Variants in OPCML observed in about 807,000 individuals in gnomAD.
The protein encoded by OPCML is opioid-binding protein/cell adhesion molecule.
A neutral mutation model predicts 37.8 loss-of-function variants in OPCML; 13 were observed. The ratio of observed to expected loss-of-function variants is 0.34; its 90% CI spans 0.22 to 0.55. The LOEUF (loss-of-function observed/expected upper bound fraction) is 0.55, where lower values mean the gene tolerates loss of function less well. OPCML is among the 20% of genes least tolerant of loss of function. OPCML has a pLI of 0.91. For synonymous variants in OPCML, 176 were observed against 168.8 expected, an observed-to-expected ratio of 1.04 and a Z score of -0.33; for missense variants, 341 against 435.6, an observed-to-expected ratio of 0.78 and a Z score of 1.93.
rs1784508 is a variant in OPCML, at chr11:132,614,377, T to A, written c.379+42710A>T. 6.7e-3 allele frequency among the ~76,000 whole-genome samples: 1,013 copies of A among 152,156 alleles called. 33 individuals carry two copies. Among genetic ancestry groups the A allele is most frequent in the Admixed American group, 0.058 (893 of 15,292 alleles). ...GAATTCTGAGTGACCTCTAGCCAACTCTTCGTTTAATAACCTTTGAGACTG... is the reference window on the plus strand; with the variant it reads ...GAATTCTGAGTGACCTCTAGCCAACACTTCGTTTAATAACCTTTGAGACTG... On this transcript the variant is annotated intron_variant, in intron 3 of 7. Transcript: ENST00000524381.
At chr11:133,167,202 C>G (rs1168902397) in intron 1 of OPCML, among the ~76,000 whole-genome samples, 1 of 152,180 alleles carries the variant, frequency 6.6e-6, no homozygotes, top group Non-Finnish European at 1.5e-5. Flanking sequence ...CTCCAGCGTG[C>G]TTCCTCATCC....
At chr11:133,043,709 C>T (rs554246818) in intron 1 of OPCML, among the ~76,000 whole-genome samples, 63 of 152,094 alleles carry the variant, frequency 4.1e-4, no homozygotes, top group Non-Finnish European at 6.5e-4. Flanking sequence ...TGATTGCGTG[C>T]GGTTACTTTT....
chr11:133,278,232 T>G (rs1480774013), intron 1 of OPCML, among the ~76,000 whole-genome samples: 1 of 152,164 alleles, frequency 6.6e-6, no homozygotes, highest in Non-Finnish European at 1.5e-5. Flanking sequence ...AGTACTGATT[T>G]CTGTCTTCAG....
intron 2 of OPCML, among the ~76,000 whole-genome samples, chr11:132,878,945 C>T (rs769203160): frequency 3.9e-5 from 6 of 152,116 alleles, no homozygotes; most frequent in African/African-American, 9.7e-5. Flanking sequence ...GGTTAAAAAG[C>T]GAACTAATCA....
intron 4 of OPCML, among the ~76,000 whole-genome samples, chr11:132,523,171 T>C (rs2096298505): frequency 6.6e-6 from 1 of 152,214 alleles, no homozygotes; most frequent in Non-Finnish European, 1.5e-5. Flanking sequence ...CCTCCCAAAG[T>C]GCTCTGATTA....
chr11:133,142,619 G>C (rs1412829618), intron 1 of OPCML, among the ~76,000 whole-genome samples: 1 of 152,174 alleles, frequency 6.6e-6, no homozygotes, highest in Non-Finnish European at 1.5e-5. Flanking sequence ...AGTCCTGGCA[G>C]TACATAGCAC....
At position 132,539,528 on chromosome 11, in the gene OPCML, C is replaced by CTGATGA. The variant is rs1377865739; in HGVS notation, c.380-10343_380-10342insTCATCA. 3.9e-4 allele frequency among the ~76,000 whole-genome samples: 59 copies of CTGATGA among 151,556 alleles called. 1 individual carries two copies. Among genetic ancestry groups the CTGATGA allele is most frequent in the African/African-American group, 1.3e-3 (53 of 41,158 alleles). ...TAAAGACATGCTGCTGCTGCTGCTG[C>CTGATGA]TGCTGATGATGATGATGATGAAGAT... On this transcript the variant is annotated intron_variant, in intron 3 of 7. Transcript: ENST00000524381.
chr11:132,944,163 C>T (rs1027962773), intron 1 of OPCML, among the ~76,000 whole-genome samples: 2 of 151,728 alleles, frequency 1.3e-5, no homozygotes, highest in Non-Finnish European at 2.9e-5. Context: ...CGGCGCCCCT[C>T]GCAGCGGCTT....
chr11:133,522,426 T>A (rs1267134345), intron 1 of OPCML, among the ~76,000 whole-genome samples: 1 of 152,206 alleles, frequency 6.6e-6, no homozygotes, highest in Non-Finnish European at 1.5e-5. Flanking sequence ...GTCTCCCAGA[T>A]CATTACAAAG....
At chr11:132,489,820 G>C (rs1305897563) in intron 4 of OPCML, among the ~76,000 whole-genome samples, 1 of 151,912 alleles carries the variant, frequency 6.6e-6, no homozygotes, top group Non-Finnish European at 1.5e-5. Flanking sequence ...AGGTATTTCT[G>C]CTCATGCTAT....
intron 7 of OPCML, chr11:132,435,168 C>T: frequency 7.8e-7 from 1 of 1,289,364 alleles, no homozygotes; most frequent in Non-Finnish European, 1.0e-6. Context: ...CCTGCCACTG[C>T]TGATGAGGGG....
intron 2 of OPCML, among the ~76,000 whole-genome samples, chr11:132,671,452 T>A (rs918699247): frequency 1.3e-5 from 2 of 152,156 alleles, no homozygotes; most frequent in African/African-American, 2.4e-5. Context: ...TTGCTGCTTT[T>A]AATTTGTGTC....
chr11:132,856,464 G>T (rs1942061114), intron 2 of OPCML, among the ~76,000 whole-genome samples: 1 of 152,204 alleles, frequency 6.6e-6, no homozygotes, highest in Non-Finnish European at 1.5e-5. Flanking sequence ...TGATGGTCAT[G>T]CAGTTGTTAA....
chr11:133,378,094 C>T lies in OPCML; in HGVS notation c.61+154170G>A, dbSNP rs146738245. 2.3e-3 allele frequency among the ~76,000 whole-genome samples: 347 copies of T among 152,310 alleles called. 1 individual carries two copies. Among genetic ancestry groups the T allele is most frequent in the African/African-American group, 7.9e-3 (327 of 41,564 alleles). ...AGCTTATCCAATTTTTCTTTTTATG[C>T]GTCAGGCGTTTAGAAGAAGCTATGT... is the stretch of plus-strand genomic sequence containing the variant. On this transcript the variant is annotated intron_variant, in intron 1 of 7. Transcript: ENST00000524381.
At chr11:133,139,271 A>G (rs1284856477) in intron 1 of OPCML, among the ~76,000 whole-genome samples, 2 of 152,214 alleles carry the variant, frequency 1.3e-5, no homozygotes, top group African/African-American at 4.8e-5. Context: ...TGCACAGCAA[A>G]ACAATAATCG....
At chr11:133,315,956 A>AT (rs1309726852) in intron 1 of OPCML, among the ~76,000 whole-genome samples, 1 of 152,222 alleles carries the variant, frequency 6.6e-6, no homozygotes, top group African/African-American at 2.4e-5. Context: ...AGCAGCAAGA[A>AT]CAACACATTT....
chr11:133,499,367 T>G lies in OPCML; in HGVS notation c.61+32897A>C, dbSNP rs563966717. 7.2e-5 allele frequency among the ~76,000 whole-genome samples: 11 copies of G among 152,358 alleles called. No individual in the cohort carries two copies. In the South Asian group the frequency reaches 2.3e-3, roughly 32 times the overall value. On this transcript the variant is annotated intron_variant, in intron 1 of 7. Coordinates refer to ENST00000524381, the MANE Select transcript of OPCML (RefSeq NM_001012393.5). ...CCTAGCTTTGTTTAATATTTTCTCC[T>G]GCTATCCAAATAGTGTTAACATCTG... is the stretch of plus-strand genomic sequence containing the variant.
chr11:133,262,810 G>T (rs1290440324), intron 1 of OPCML, among the ~76,000 whole-genome samples: 3 of 151,972 alleles, frequency 2.0e-5, no homozygotes, highest in Admixed American at 6.6e-5. Flanking sequence ...CCCAGGAAGA[G>T]CGTGCAGGCT....
At chr11:133,298,440 A>G (rs1942686186) in intron 1 of OPCML, 1 of 152,238 alleles carries the variant, frequency 6.6e-6, no homozygotes, top group Non-Finnish European at 1.5e-5. Flanking sequence ...AGTACCTGGC[A>G]TGTAGAAAAC....
Sources: gnomAD v4.1 joint callset for allele counts (sites outside exome capture counted in the v4.1 genomes callset) on GRCh38, gnomAD v4.1.1 for gene constraint, MANE v1.5 for transcripts, NCBI Gene and HGNC (gene_info 2026-07-23, HGNC 2026-07-21) for gene names.